The following SDK1 variants were observed in gnomAD, a reference collection of about 807,000 sequenced individuals.
The protein encoded by SDK1 is sidekick cell adhesion molecule 1.
A neutral mutation model predicts 245.5 loss-of-function variants in SDK1; 157 were observed. The observed-to-expected ratio is 0.64, with a 90% CI of 0.56 to 0.73. SDK1 has a LOEUF of 0.73. SDK1 is among the 30% of genes least tolerant of loss of function. The pLI, the probability that SDK1 is intolerant of heterozygous loss-of-function variation, is 0.00. For synonymous variants in SDK1, 1,647 were observed against 1,278.5 expected (o/e 1.29, Z -6.15); for missense variants, 3,583 against 3,002.3 (o/e 1.19, Z -4.52).
intron 1 of SDK1, among the ~76,000 whole-genome samples, chr7:3,362,197 C>T (rs548604918): frequency 2.0e-5 from 3 of 152,282 alleles, no homozygotes; most frequent in South Asian, 4.1e-4. Context: ...CCCTATATAT[C>T]CCTGAGGCAT....
rs1259709450 is a variant in SDK1 at position 3,472,061 on chromosome 7, G to A, written c.299-147019G>A. Among the ~76,000 whole-genome samples, 3 of 152,170 alleles carry A rather than the reference G, an allele frequency of 2.0e-5. No homozygotes were observed. In the East Asian group the frequency reaches 5.8e-4, roughly 29 times the overall value. ...TGTTTTTGCTGATGAGATGGTAGCA[G>A]TGCTGTGGTATTGTTTGCAGGTCCT... is the stretch of plus-strand genomic sequence containing the variant. On this transcript the variant is annotated intron_variant, in intron 1 of 44. Coordinates refer to ENST00000404826, the MANE Select transcript of SDK1 (RefSeq NM_152744.4).
At chr7:3,942,802 G>T (rs939187472) in intron 5 of SDK1, among the ~76,000 whole-genome samples, 3 of 152,186 alleles carry the variant, frequency 2.0e-5, no homozygotes, top group Non-Finnish European at 4.4e-5. Context: ...TGTGGCACTT[G>T]TACTACGGTT....
intron 1 of SDK1, among the ~76,000 whole-genome samples, chr7:3,509,361 A>G (rs1375203127): frequency 6.6e-6 from 1 of 152,100 alleles, no homozygotes; most frequent in Non-Finnish European, 1.5e-5. Flanking sequence ...AGCTCTGCCA[A>G]CATGTGACCT....
intron 1 of SDK1, among the ~76,000 whole-genome samples, chr7:3,500,114 C>G (rs964111155): frequency 6.6e-6 from 1 of 152,078 alleles, no homozygotes; most frequent in African/African-American, 2.4e-5. Flanking sequence ...TAGGGGGGGT[C>G]TGGTGACAGC....
intron 42 of SDK1, among the ~76,000 whole-genome samples, chr7:4,240,894 G>A (rs887409413): frequency 2.6e-5 from 4 of 152,204 alleles, no homozygotes; most frequent in African/African-American, 7.2e-5. Context: ...AGAAACCCGT[G>A]TTAGGGAGGG....
intron 1 of SDK1, among the ~76,000 whole-genome samples, chr7:3,588,069 C>T (rs890755345): frequency 2.0e-5 from 3 of 152,190 alleles, no homozygotes; most frequent in African/African-American, 7.2e-5. Context: ...TTCAAGGAAT[C>T]CTAGGTCAAT....
intron 39 of SDK1, 80 bp from the exon 40 acceptor site, chr7:4,221,159 C>A: frequency 6.4e-7 from 1 of 1,551,170 alleles, no homozygotes; most frequent in East Asian, 2.3e-5. Context: ...GGTCTGACCC[C>A]CCACTGTGAA....
chr7:3,742,477 A>C (rs150098440), intron 4 of SDK1, among the ~76,000 whole-genome samples: 51 of 152,318 alleles, frequency 3.3e-4, no homozygotes, highest in African/African-American at 1.2e-3. Flanking sequence ...TACACAAACC[A>C]GCCCTAGGAG....
chr7:3,875,599 C>A (rs1781056323), intron 5 of SDK1, among the ~76,000 whole-genome samples: 1 of 152,200 alleles, frequency 6.6e-6, no homozygotes, highest in Non-Finnish European at 1.5e-5. Flanking sequence ...TTCTCCATCT[C>A]TCTCAGCTCT....
At chr7:3,561,137 G>C (rs1382204464) in intron 1 of SDK1, among the ~76,000 whole-genome samples, 3 of 152,132 alleles carry the variant, frequency 2.0e-5, no homozygotes, top group African/African-American at 7.2e-5. Flanking sequence ...AGGGGAGAAA[G>C]GCACCTGTTA....
intron 1 of SDK1, among the ~76,000 whole-genome samples, chr7:3,390,977 C>G (rs942637177): frequency 6.6e-6 from 1 of 152,164 alleles, no homozygotes; most frequent in African/African-American, 2.4e-5. Context: ...GTCACTCTTC[C>G]ACAGAGCCAA....
intron 1 of SDK1, among the ~76,000 whole-genome samples, chr7:3,549,176 G>C (rs984509232): frequency 1.3e-5 from 2 of 152,222 alleles, no homozygotes; most frequent in African/African-American, 4.8e-5. Context: ...CATGCAAACA[G>C]TTCTTTTTGA....
chr7:3,578,469 C>T (rs376776608), intron 1 of SDK1, among the ~76,000 whole-genome samples: 9 of 152,090 alleles, frequency 5.9e-5, no homozygotes, highest in Admixed American at 2.6e-4. Context: ...AAACAGGATT[C>T]GAGAGCAGAA....
At chr7:3,555,977 A>AT (rs1335468341) in intron 1 of SDK1, among the ~76,000 whole-genome samples, 1 of 152,222 alleles carries the variant, frequency 6.6e-6, no homozygotes, top group Non-Finnish European at 1.5e-5. Flanking sequence ...GGGAATGTAA[A>AT]TTAGGGAAAC....
At chr7:3,363,157 G>T (rs990534222) in intron 1 of SDK1, among the ~76,000 whole-genome samples, 1 of 151,980 alleles carries the variant, frequency 6.6e-6, no homozygotes, top group African/African-American at 2.4e-5. Context: ...CACACTGCTC[G>T]GCAACCATGA....
At chr7:3,685,150 A>T (rs1003103466) in intron 4 of SDK1, among the ~76,000 whole-genome samples, 1 of 152,190 alleles carries the variant, frequency 6.6e-6, no homozygotes, top group South Asian at 2.1e-4. Flanking sequence ...GTGAACCTCA[A>T]ATAGGATAAA....
chr7:3,410,160 TATTATTGCAGGTTG>T (rs1290582798), intron 1 of SDK1, among the ~76,000 whole-genome samples: 4 of 152,152 alleles, frequency 2.6e-5, no homozygotes, highest in Non-Finnish European at 5.9e-5. Context: ...TGGAAAGAGG[TATTATTGCAGGTTG>T]AACATCCCTA....
At chr7:3,686,658 C>G (rs1467322740) in intron 4 of SDK1, among the ~76,000 whole-genome samples, 1 of 152,184 alleles carries the variant, frequency 6.6e-6, no homozygotes, top group Non-Finnish European at 1.5e-5. Flanking sequence ...ACACAGCGCA[C>G]TGACCCTGAG....
chr7:3,479,660 G>A (rs1192586378), intron 1 of SDK1, among the ~76,000 whole-genome samples: 1 of 151,712 alleles, frequency 6.6e-6, no homozygotes, highest in Non-Finnish European at 1.5e-5. Flanking sequence ...TCAGGAGTTC[G>A]AGACCAGCCT....
Sources: allele counts gnomAD v4.1 joint callset (sites outside exome capture counted in the v4.1 genomes callset), GRCh38; gene constraint gnomAD v4.1.1; transcripts MANE v1.5; gene names NCBI Gene and HGNC (gene_info 2026-07-23, HGNC 2026-07-21).